Variants in GPATCH2 observed in about 807,000 individuals in gnomAD.
The protein encoded by GPATCH2 is G-patch domain containing 2.
A neutral mutation model predicts 58.0 loss-of-function variants in GPATCH2; 51 were observed. The observed-to-expected ratio is 0.88, with a 90% CI of 0.70 to 1.11. GPATCH2 has a LOEUF of 1.11. Among genes scored for constraint, GPATCH2 ranks in the 50% most tolerant of loss-of-function variants. The pLI is 0.00. For synonymous variants in GPATCH2, 222 were observed against 218.5 expected (o/e 1.02, Z -0.14); for missense variants, 625 against 652.2 (o/e 0.96, Z 0.45).
intron 6 of GPATCH2, among the ~76,000 whole-genome samples, chr1:217,507,362 A>G (rs1479041442): frequency 6.6e-6 from 1 of 152,180 alleles, no homozygotes; most frequent in Non-Finnish European, 1.5e-5. Flanking sequence ...AATTATGCTC[A>G]AGAGGCCCTG....
intron 6 of GPATCH2, among the ~76,000 whole-genome samples, chr1:217,500,131 G>T (rs1324516391): frequency 6.6e-6 from 1 of 151,962 alleles, no homozygotes; most frequent in Non-Finnish European, 1.5e-5. Context: ...TCCTAAAGTT[G>T]ATATTTGTCT....
intron 5 of GPATCH2, chr1:217,609,923 GTAGTTTC>G (rs1211991046): frequency 8.6e-7 from 1 of 1,165,496 alleles, no homozygotes; most frequent in Non-Finnish European, 1.1e-6. Flanking sequence ...ATAATTTACA[GTAGTTTC>G]TATCCACCCT....
At chr1:217,558,667 G>C (rs1171162495) in intron 5 of GPATCH2, among the ~76,000 whole-genome samples, 1 of 152,078 alleles carries the variant, frequency 6.6e-6, no homozygotes, top group Non-Finnish European at 1.5e-5. Flanking sequence ...AACAAAACAA[G>C]GCCTGGAGTG....
At chr1:217,484,786 A>G (rs1661384687) in intron 8 of GPATCH2, among the ~76,000 whole-genome samples, 1 of 150,696 alleles carries the variant, frequency 6.6e-6, no homozygotes, top group Non-Finnish European at 1.5e-5. Context: ...ATATATATCT[A>G]TATCCCATAT....
At chr1:217,463,641 CAAAAAAAAAAAAAAAAAAAAAA>C (rs201402598) in intron 8 of GPATCH2, among the ~76,000 whole-genome samples, 1 of 82,450 alleles carries the variant, frequency 1.2e-5, no homozygotes, top group South Asian at 4.0e-4. Flanking sequence ...CTTATCACTC[CAAAAAAAAAAAAAAAAAAAAAA>C]AAAAAAAAAA....
intron 5 of GPATCH2, among the ~76,000 whole-genome samples, chr1:217,550,531 T>C (rs1054777747): frequency 6.6e-6 from 1 of 152,050 alleles, no homozygotes; most frequent in Non-Finnish European, 1.5e-5. Flanking sequence ...ATTAAAATTA[T>C]TTTTAGTGAA....
At chr1:217,572,109 G>A (rs1348100822) in intron 5 of GPATCH2, among the ~76,000 whole-genome samples, 5 of 152,046 alleles carry the variant, frequency 3.3e-5, no homozygotes, top group Non-Finnish European at 7.4e-5. Flanking sequence ...AGTATTTGTG[G>A]GACAATCATG....
intron 8 of GPATCH2, among the ~76,000 whole-genome samples, chr1:217,483,564 T>C (rs1303531953): frequency 6.6e-6 from 1 of 152,188 alleles, no homozygotes; most frequent in Admixed American, 6.5e-5. Flanking sequence ...TACAAGTCTT[T>C]TAAGTATTCA....
intron 8 of GPATCH2, among the ~76,000 whole-genome samples, chr1:217,463,869 A>G (rs1660318428): frequency 6.6e-6 from 1 of 152,146 alleles, no homozygotes; most frequent in Non-Finnish European, 1.5e-5. Flanking sequence ...GACAGAATCC[A>G]GGTTTTTCTG....
At chr1:217,433,650 C>T (rs1658664176) in intron 9 of GPATCH2, among the ~76,000 whole-genome samples, 1 of 152,236 alleles carries the variant, frequency 6.6e-6, no homozygotes, top group East Asian at 1.9e-4. Flanking sequence ...CCTGCCTTAG[C>T]CTCCCAAAGT....
chr1:217,525,718 T>G (rs925338027), intron 5 of GPATCH2, among the ~76,000 whole-genome samples: 2 of 152,142 alleles, frequency 1.3e-5, no homozygotes, highest in South Asian at 2.1e-4. Flanking sequence ...TTTAATTTTT[T>G]GGGGGGTAGC....
intron 1 of GPATCH2, among the ~76,000 whole-genome samples, chr1:217,626,158 T>C (rs906242489): frequency 3.9e-5 from 6 of 152,198 alleles, no homozygotes; most frequent in Admixed American, 1.3e-4. Flanking sequence ...GGGAATGCAG[T>C]GCTAAAAGTA....
chr1:217,529,947 A>G (rs1461582546), intron 5 of GPATCH2, among the ~76,000 whole-genome samples: 1 of 152,250 alleles, frequency 6.6e-6, no homozygotes, highest in African/African-American at 2.4e-5. Flanking sequence ...GTAAAGTACT[A>G]AATACTAGTT....
intron 8 of GPATCH2, among the ~76,000 whole-genome samples, chr1:217,486,850 G>A (rs1661477338): frequency 6.6e-6 from 1 of 152,168 alleles, no homozygotes; most frequent in Non-Finnish European, 1.5e-5. Flanking sequence ...AGAGGAGCAG[G>A]ACTAATTCTT....
chr1:217,521,240 A>C (rs1391679297), intron 5 of GPATCH2, among the ~76,000 whole-genome samples: 3 of 152,024 alleles, frequency 2.0e-5, no homozygotes, highest in Non-Finnish European at 4.4e-5. Flanking sequence ...ATAGTGAAGA[A>C]ACTAACACTC....
chr1:217,621,388 G>A (rs965417457), intron 1 of GPATCH2, among the ~76,000 whole-genome samples: 1 of 152,032 alleles, frequency 6.6e-6, no homozygotes, highest in African/African-American at 2.4e-5. Flanking sequence ...AAGACCACAG[G>A]CAATCATTTC....
chr1:217,483,517 C>G (rs1034588150), intron 8 of GPATCH2, among the ~76,000 whole-genome samples: 9 of 152,116 alleles, frequency 5.9e-5, no homozygotes, highest in Admixed American at 4.6e-4. Flanking sequence ...CAGGGTCTTG[C>G]TCTATCACCC....
At chr1:217,550,166 A>T (rs1665278004) in intron 5 of GPATCH2, among the ~76,000 whole-genome samples, 1 of 152,146 alleles carries the variant, frequency 6.6e-6, no homozygotes, top group Non-Finnish European at 1.5e-5. Flanking sequence ...AGGGTTCACC[A>T]CTTGTTAGCT....
intron 8 of GPATCH2, among the ~76,000 whole-genome samples, chr1:217,463,861 C>G (rs560018446): frequency 1.3e-5 from 2 of 152,120 alleles, no homozygotes; most frequent in Admixed American, 6.5e-5. Context: ...GAGTGAAAGA[C>G]AGAATCCAGG....
Sources: allele counts gnomAD v4.1 joint callset (sites outside exome capture counted in the v4.1 genomes callset), GRCh38; gene constraint gnomAD v4.1.1; transcripts MANE v1.5; gene names NCBI Gene and HGNC (gene_info 2026-07-23, HGNC 2026-07-21).